The following HEMK2 variants were observed in gnomAD, a reference collection of about 807,000 sequenced individuals.
HEMK2 encodes the protein methyltransferase HEMK2.
the HEMK2 span, among the ~76,000 whole-genome samples, chr21:28,655,519 C>T: frequency 6.6e-6 from 1 of 152,024 alleles, no homozygotes; most frequent in African/African-American, 2.4e-5. Context: ...GGGCAGGAAG[C>T]AGCTCAGACT....
the HEMK2 span, among the ~76,000 whole-genome samples, chr21:28,633,888 T>C: frequency 6.6e-6 from 1 of 152,154 alleles, no homozygotes; most frequent in African/African-American, 2.4e-5. Context: ...CAGGAAAACG[T>C]TAGGGCGGTA....
chr21:28,631,723 G>A, the HEMK2 span, among the ~76,000 whole-genome samples: 3 of 151,154 alleles, frequency 2.0e-5, no homozygotes, highest in Admixed American at 6.6e-5. Context: ...ATTTTCTTGT[G>A]TATTTCACAC....
At chr21:28,885,334 C>A in the HEMK2 span, 20 of 1,579,592 alleles carry the variant, frequency 1.3e-5, no homozygotes, top group South Asian at 4.5e-5. Context: ...TAGCGAAGTT[C>A]TCCCCTGCCA....
chr21:28,831,519 GA>G, the HEMK2 span, among the ~76,000 whole-genome samples: 1 of 70,488 alleles, frequency 1.4e-5, no homozygotes, highest in Non-Finnish European at 2.4e-5. Flanking sequence ...AAGAAAGAAA[GA>G]AAGAAGGAAA....
chr21:28,583,425 C>T, the HEMK2 span, among the ~76,000 whole-genome samples: 1 of 152,278 alleles, frequency 6.6e-6, no homozygotes, highest in African/African-American at 2.4e-5. Context: ...CCAAAGCATG[C>T]AGACCCTGTG....
chr21:28,744,421 C>T, the HEMK2 span, among the ~76,000 whole-genome samples: 1 of 152,132 alleles, frequency 6.6e-6, no homozygotes, highest in Non-Finnish European at 1.5e-5. Context: ...GAAAGTCATT[C>T]ATGGTTAATT....
the HEMK2 span, among the ~76,000 whole-genome samples, chr21:28,583,571 C>T: frequency 1.3e-5 from 2 of 152,320 alleles, no homozygotes; most frequent in Admixed American, 6.5e-5. Flanking sequence ...TTCCTGAACA[C>T]GTCGTTTCAG....
At chr21:28,579,678 G>A in the HEMK2 span, among the ~76,000 whole-genome samples, 1 of 152,148 alleles carries the variant, frequency 6.6e-6, no homozygotes, top group East Asian at 1.9e-4. Context: ...CCCATGTCAA[G>A]GCAGTGTGGC....
the HEMK2 span, among the ~76,000 whole-genome samples, chr21:28,631,049 G>A: frequency 2.6e-5 from 4 of 152,162 alleles, no homozygotes; most frequent in Non-Finnish European, 1.5e-5. Flanking sequence ...CCCAAACAAA[G>A]TATGTGTGCC....
the HEMK2 span, among the ~76,000 whole-genome samples, chr21:28,848,204 C>T: frequency 1.3e-5 from 2 of 151,948 alleles, no homozygotes; most frequent in African/African-American, 4.8e-5. Context: ...CTATAAATTG[C>T]TTTCAGTATT....
the HEMK2 span, among the ~76,000 whole-genome samples, chr21:28,621,051 A>AT: frequency 6.6e-6 from 1 of 151,680 alleles, no homozygotes; most frequent in Non-Finnish European, 1.5e-5. Context: ...GGAATCATTG[A>AT]TTTTTTTGAA....
the HEMK2 span, among the ~76,000 whole-genome samples, chr21:28,780,616 A>C: frequency 6.6e-6 from 1 of 152,312 alleles, no homozygotes; most frequent in African/African-American, 2.4e-5. Flanking sequence ...CAGCCAGACA[A>C]CTTTTAAAGT....
the HEMK2 span, among the ~76,000 whole-genome samples, chr21:28,726,869 TAAA>T: frequency 7.7e-6 from 1 of 130,258 alleles, no homozygotes. Flanking sequence ...GGACCCTATC[TAAA>T]AAAAAAAAAA....
chr21:28,734,630 C>T, the HEMK2 span, among the ~76,000 whole-genome samples: 1 of 152,108 alleles, frequency 6.6e-6, no homozygotes. Flanking sequence ...TGATTGAACC[C>T]ATGCCAGAGC....
the HEMK2 span, among the ~76,000 whole-genome samples, chr21:28,648,105 A>G: frequency 6.6e-6 from 1 of 152,220 alleles, no homozygotes; most frequent in South Asian, 2.1e-4. Flanking sequence ...CTCTTTGCAT[A>G]CCTCCTTCCC....
At chr21:28,841,397 A>ATATATTATATATAAAATATTT in the HEMK2 span, among the ~76,000 whole-genome samples, 2 of 37,742 alleles carry the variant, frequency 5.3e-5, no homozygotes, top group Non-Finnish European at 7.8e-5. Flanking sequence ...ATAAAATATT[A>ATATATTATATATAAAATATTT]TATATATAAT....
At chr21:28,710,560 G>A in the HEMK2 span, among the ~76,000 whole-genome samples, 2 of 152,184 alleles carry the variant, frequency 1.3e-5, 1 homozygote. Flanking sequence ...CACCATGACA[G>A]CATTTCAGTG....
the HEMK2 span, among the ~76,000 whole-genome samples, chr21:28,802,078 C>A: frequency 6.6e-6 from 1 of 152,136 alleles, no homozygotes; most frequent in Non-Finnish European, 1.5e-5. Context: ...CAAAGTTACT[C>A]ATTTCAGCCT....
the HEMK2 span, among the ~76,000 whole-genome samples, chr21:28,849,350 CA>C: frequency 1.3e-5 from 2 of 151,876 alleles, no homozygotes; most frequent in Admixed American, 1.3e-4. Context: ...AGCAAAAAAA[CA>C]ACAACAACAA....
Sources: gnomAD v4.1 joint callset for allele counts (sites outside exome capture counted in the v4.1 genomes callset) on GRCh38, gnomAD v4.1.1 for gene constraint, MANE v1.5 for transcripts, NCBI Gene and HGNC (gene_info 2026-07-23, HGNC 2026-07-21) for gene names.